Variants in DYNC1H1 observed in about 807,000 individuals in gnomAD.
DYNC1H1 encodes cytoplasmic dynein 1 heavy chain 1.
A neutral mutation model predicts 527.1 loss-of-function variants in DYNC1H1; 51 were observed. That is an observed-to-expected ratio of 0.10 (90% CI 0.08 to 0.12). The LOEUF is 0.12. Among genes scored for constraint, DYNC1H1 ranks in the 10% least tolerant of loss-of-function variants. The pLI, the probability that DYNC1H1 is intolerant of heterozygous loss-of-function variation, is 1.00. For missense variants in DYNC1H1, 2,771 were observed against 5,971.8 expected, an observed-to-expected ratio of 0.46 and a Z score of 17.66; for synonymous variants, 2,189 against 2,278.8, an observed-to-expected ratio of 0.96 and a Z score of 1.12.
intron 77 of DYNC1H1, 37 bp from the exon 78 acceptor site, chr14:102,050,398 T>TC (rs747167049): frequency 6.2e-7 from 1 of 1,614,172 alleles, no homozygotes; most frequent in Admixed American, 1.7e-5. Flanking sequence ...TTCTTACTTT[T>TC]CCCTTAAGCC....
chr14:102,015,475 C>A lies in DYNC1H1; in HGVS notation c.7242+143C>A. On this transcript the variant is annotated intron_variant, in intron 35 of 77. Coordinates refer to ENST00000360184, the MANE Select transcript of DYNC1H1 (RefSeq NM_001376.5). This position sits in a 1 kb window ranked among gnomAD's most constrained non-coding sequence, Gnocchi z 6.9. The stretch of plus-strand genomic sequence containing the variant: ...TTGGCCTCTCAAAGTGCTGGGATTA[C>A]AGGCATGAGTCACTGTACCCAGCCA... 1 of 992,096 alleles carries A rather than the reference C, an allele frequency of 1.0e-6. No homozygotes were observed. Among genetic ancestry groups the A allele is most frequent in the Non-Finnish European group, 1.5e-6 (1 of 683,402 alleles). 61.5% of individuals were successfully genotyped at this position (992,096 alleles called of 1,614,324 possible).
Position 102,012,384 on chromosome 14 carries a change from G to T in DYNC1H1, c.6928G>T (p.Glu2310Ter). 1 of 1,614,234 alleles carries T rather than the reference G, an allele frequency of 6.2e-7. No individual in the cohort carries two copies. The highest frequency in any genetic ancestry group is 8.5e-7 in the Non-Finnish European group (1 of 1,180,042). ...WIVFDGDVDP[E>*]WVENLNSVLD... ...CGTCTTCGATGGCGATGTGGATCCA[G>T]AGTGGGTTGAGAACTTGAACTCAGT... Residue 2310 changes from glutamate to a stop codon, truncating the protein, a stop_gained, in exon 34 of 78, where the codon GAG (glutamate) becomes TAG (stop). Coordinates refer to ENST00000360184, the MANE Select transcript of DYNC1H1 (RefSeq NM_001376.5). LOFTEE classifies it high-confidence loss of function. The surrounding 1 kb of genome is among the most constrained non-coding windows in gnomAD (Gnocchi z 4.9).
rs759610869 is a variant in DYNC1H1, at chr14:102,017,308, C to T, written c.8055+14C>T. On this transcript the variant is annotated intron_variant, in intron 39 of 77. Transcript: ENST00000360184. The surrounding 1 kb of genome is among the most constrained non-coding windows in gnomAD (Gnocchi z 4.6). ...TTCATCAGACAGGTTTGTTTCTATC[C>T]ACAAGGCCCTTCCTGCCCCACAATG... is the stretch of plus-strand genomic sequence containing the variant. The T allele has an allele frequency of 3.7e-6, 6 of 1,614,200 alleles. No individual in the cohort carries two copies. The South Asian group carries it at 4.4e-5, about 12-fold the overall frequency.
Position 101,964,898 on chromosome 14 carries a change from T to G in DYNC1H1, c.207T>G (p.Leu69=). The G allele has an allele frequency of 9.4e-6, 15 of 1,600,524 alleles. 1 individual carries two copies. In the South Asian group the frequency reaches 1.6e-4, roughly 17 times the overall value. ...KSALEQMRKF[L]SDPQVHTVLV... is the part of the protein sequence containing the mutation. Reference sequence around the variant, plus strand: ...CCCTGGAGCAGATGCGCAAGTTCCTTTCGGACCCGCAGGTCCACACGGTGC... The same window carrying G: ...CCCTGGAGCAGATGCGCAAGTTCCTGTCGGACCCGCAGGTCCACACGGTGC... Residue 69 remains leucine (L), a synonymous_variant, in exon 1 of 78, where the codon CTT becomes CTG. Transcript: ENST00000360184. This position sits in a 1 kb window ranked among gnomAD's most constrained non-coding sequence, Gnocchi z 5.5.
chr14:102,041,934 C>T lies in DYNC1H1; in HGVS notation c.12103-79C>T, dbSNP rs903306439. On this transcript the variant is annotated intron_variant, in intron 65 of 77. Transcript: ENST00000360184. The surrounding 1 kb of genome is among the most constrained non-coding windows in gnomAD (Gnocchi z 4.5). ...AGAAAGAACATCTTCTCAGGCCCCT[C>T]ACTCGGGGCTCTCCTTTCCCTTGAC... 1.3e-6 allele frequency: 2 copies of T among 1,538,618 alleles called. No individual in the cohort carries two copies. The highest frequency in any genetic ancestry group is 1.8e-6 in the Non-Finnish European group (2 of 1,117,198).
chr14:102,042,210 T>C lies in DYNC1H1; in HGVS notation c.12215-18T>C. 1 of 1,614,010 alleles carries C rather than the reference T, an allele frequency of 6.2e-7. No homozygotes were observed. Among genetic ancestry groups the C allele is most frequent in the African/African-American group, 1.3e-5 (1 of 74,996 alleles). ...TGTCCGAGGCTGCCGCTGCTAACAC[T>C]AAGTTTCCCTGCACCAGGCTCTGCA... On this transcript the variant is annotated intron_variant, in intron 66 of 77. Transcript: ENST00000360184. This position sits in a 1 kb window ranked among gnomAD's most constrained non-coding sequence, Gnocchi z 5.7.
At chr14:102,028,400 A>C in intron 48 of DYNC1H1, 1 of 414,640 alleles carries the variant, frequency 2.4e-6, no homozygotes, top group South Asian at 2.1e-5. Flanking sequence ...CTATAGTCCC[A>C]GCTACTCAGG....
At chr14:102,040,042 T>A (rs1387460043) in intron 62 of DYNC1H1, among the ~76,000 whole-genome samples, 194 bp from the exon 63 acceptor site, 1 of 152,172 alleles carries the variant, frequency 6.6e-6, no homozygotes, top group African/African-American at 2.4e-5. Context: ...GTTTTCTTCA[T>A]GTTGGCAGCC....
At position 101,997,475 on chromosome 14, in the gene DYNC1H1, G is replaced by T. The variant is rs2048076643; in HGVS notation, c.3804+201G>T. ...GCTTAGACCTCTTTTTACTCAGAAT[G>T]GCATTCAGTAGCTGGTTTTAAGGAT... On this transcript the variant is annotated intron_variant, in intron 16 of 77. Coordinates refer to ENST00000360184, the MANE Select transcript of DYNC1H1 (RefSeq NM_001376.5). This position sits in a 1 kb window ranked among gnomAD's most constrained non-coding sequence, Gnocchi z 4.8. Among the ~76,000 whole-genome samples, 1 of 152,186 alleles carries T rather than the reference G, an allele frequency of 6.6e-6. No individual in the cohort carries two copies. Among genetic ancestry groups the T allele is most frequent in the Admixed American group, 6.5e-5 (1 of 15,276 alleles).
chr14:102,017,323 G>A lies in DYNC1H1; in HGVS notation c.8055+29G>A, dbSNP rs752959410. Reference sequence around the variant, plus strand: ...TGTTTCTATCCACAAGGCCCTTCCTGCCCCACAATGTTTCTTGTTCAAGTT... The same window carrying A: ...TGTTTCTATCCACAAGGCCCTTCCTACCCCACAATGTTTCTTGTTCAAGTT... On this transcript the variant is annotated intron_variant, in intron 39 of 77. Transcript: ENST00000360184. This position sits in a 1 kb window ranked among gnomAD's most constrained non-coding sequence, Gnocchi z 4.6. 5.0e-6 allele frequency: 8 copies of A among 1,614,172 alleles called. No individual in the cohort carries two copies. The South Asian group carries it at 8.8e-5, about 18-fold the overall frequency.
At position 101,986,406 on chromosome 14, in the gene DYNC1H1, C is replaced by T. The variant is rs1203393217; in HGVS notation, c.2181C>T (p.Gly727=). The change falls in exon 8 of 78, where the codon GGC becomes GGT. Residue 727 remains glycine, a synonymous_variant. Coordinates refer to ENST00000360184, the MANE Select transcript of DYNC1H1 (RefSeq NM_001376.5). The surrounding 1 kb of genome is among the most constrained non-coding windows in gnomAD (Gnocchi z 8.7). ...CCATCGAAAGTACTCGGGTTCGGGGCCGAACTGGAAATGTGCTTAAGCTGA... is the reference window on the plus strand; with the variant it reads ...CCATCGAAAGTACTCGGGTTCGGGGTCGAACTGGAAATGTGCTTAAGCTGA... ...IFTIESTRVR[G]RTGNVLKLKV... The T allele has an allele frequency of 6.2e-7, 1 of 1,613,914 alleles. No individual in the cohort carries two copies. The highest frequency in any genetic ancestry group is 8.5e-7 in the Non-Finnish European group (1 of 1,180,022).
chr14:102,032,243 G>C (rs201598765), intron 51 of DYNC1H1, 29 bp from the exon 52 acceptor site: 1 of 1,612,364 alleles, frequency 6.2e-7, no homozygotes, highest in South Asian at 1.1e-5. Flanking sequence ...CCCACCCATC[G>C]ACCCTCATCC....
chr14:101,969,087 A>T (rs546991487), intron 1 of DYNC1H1, among the ~76,000 whole-genome samples: 67 of 151,538 alleles, frequency 4.4e-4, no homozygotes, highest in African/African-American at 1.6e-3. Context: ...GCACGATCTC[A>T]GCTCACTGAA....
At position 102,022,791 on chromosome 14, in the gene DYNC1H1, A is replaced by T; in HGVS notation, c.8548A>T (p.Ile2850Phe). 1.2e-6 allele frequency: 2 copies of T among 1,614,236 alleles called. No individual in the cohort carries two copies. Among genetic ancestry groups the T allele is most frequent in the Non-Finnish European group, 1.7e-6 (2 of 1,180,050 alleles). ...DEERRWTDEN[I>F]DTVALKHFPN... is the part of the protein sequence containing the mutation. ...GGAGAGGCGTTGGACTGATGAGAAC[A>T]TCGACACGGTTGCTCTGAAGCACTT... The change falls in exon 43 of 78, where the codon ATC becomes TTC. Residue 2850 changes from isoleucine (I) to phenylalanine (F), a missense_variant. By Grantham distance (21) the Ile-to-Phe change is conservative. This residue lies in a region of DYNC1H1 where 163 missense variants were observed against 346.9 expected (regional missense o/e 0.47). Coordinates refer to ENST00000360184, the MANE Select transcript of DYNC1H1 (RefSeq NM_001376.5).
In DYNC1H1 at chr14:102,042,625, T is replaced by C. The variant is rs775703969; in HGVS notation, c.12400-10T>C. ...CACCCGAGCATAACTGGAACGGCGC[T>C]CTCCCTTAGGTGCCTGTGAATCTGC... is the stretch of plus-strand genomic sequence containing the variant. On this transcript the variant is annotated splice_polypyrimidine_tract_variant and intron_variant, in intron 68 of 77. Transcript: ENST00000360184. This position sits in a 1 kb window ranked among gnomAD's most constrained non-coding sequence, Gnocchi z 5.7. 3.7e-6 allele frequency: 6 copies of C among 1,614,074 alleles called. No individual in the cohort carries two copies. The highest frequency in any genetic ancestry group is 1.3e-5 in the African/African-American group (1 of 75,026).
Position 102,016,191 on chromosome 14 carries a change from C to T in DYNC1H1, c.7473+105C>T, listed in dbSNP as rs75198382. ...GTGGGGATGTGCGCTCTCTCCTAGGCGAGGCAGAGCCTTCGTTGAGGGGCT... is the reference window on the plus strand; with the variant it reads ...GTGGGGATGTGCGCTCTCTCCTAGGTGAGGCAGAGCCTTCGTTGAGGGGCT... On this transcript the variant is annotated intron_variant, in intron 36 of 77. Coordinates refer to ENST00000360184, the MANE Select transcript of DYNC1H1 (RefSeq NM_001376.5). The surrounding 1 kb of genome is among the most constrained non-coding windows in gnomAD (Gnocchi z 7.3). The T allele has an allele frequency of 1.0e-3, 1,580 of 1,507,380 alleles. 41 individuals carry two copies. The East Asian group carries it at 0.037, about 35-fold the overall frequency. The allele number at this position is 1,507,380 out of a possible 1,614,324, so 93.4% of individuals were successfully genotyped here.
rs1179240991 is a variant in DYNC1H1 at position 102,011,780 on chromosome 14, G to A, written c.6619-95G>A. The stretch of plus-strand genomic sequence containing the variant: ...AAAAAAAAAAAAATCCACACATAAT[G>A]TTTCTTGCTCACTTTCACAAGAGGT... On this transcript the variant is annotated intron_variant, in intron 32 of 77. Transcript: ENST00000360184. This position sits in a 1 kb window ranked among gnomAD's most constrained non-coding sequence, Gnocchi z 5.3. 8 of 1,332,376 alleles carry A rather than the reference G, an allele frequency of 6.0e-6. No homozygotes were observed. The highest frequency in any genetic ancestry group is 2.3e-5 in the East Asian group (1 of 43,414). 82.5% of individuals were successfully genotyped at this position (1,332,376 alleles called of 1,614,324 possible).
intron 43 of DYNC1H1, among the ~76,000 whole-genome samples, chr14:102,025,565 G>GAAAAAA: frequency 9.8e-6 from 1 of 102,338 alleles, no homozygotes; most frequent in Non-Finnish European, 1.9e-5. Context: ...CTGTCTCAAG[G>GAAAAAA]AAAAAAAAAA....
chr14:102,003,350 C>T (rs1249443939), intron 23 of DYNC1H1, among the ~76,000 whole-genome samples: 2 of 152,038 alleles, frequency 1.3e-5, no homozygotes, highest in East Asian at 3.9e-4. Flanking sequence ...CAACCTCCTC[C>T]TCCCAGGTTC....
Sources: allele counts gnomAD v4.1 joint callset (sites outside exome capture counted in the v4.1 genomes callset), GRCh38; gene constraint gnomAD v4.1.1; regional missense constraint gnomAD v4.1.1; non-coding constraint Gnocchi (gnomAD v3.1); transcripts MANE v1.5; gene names NCBI Gene and HGNC (gene_info 2026-07-23, HGNC 2026-07-21).